CARD14: variants seen among roughly 807,000 people sequenced by gnomAD.
CARD14 encodes the protein caspase recruitment domain-containing protein 14.
In CARD14, 107 loss-of-function variants were observed where a neutral mutation model predicts 111.5. That is an observed-to-expected ratio of 0.96 (90% CI 0.82 to 1.13). The LOEUF (loss-of-function observed/expected upper bound fraction) is 1.13, where lower values mean the gene tolerates loss of function less well. Ranked by LOEUF, CARD14 falls within the 50% of genes most tolerant of loss-of-function variation. The pLI, the probability that CARD14 is intolerant of heterozygous loss-of-function variation, is 0.00. For synonymous variants in CARD14, 617 were observed against 579.6 expected, an observed-to-expected ratio of 1.06 and a Z score of -0.93; for missense variants, 1,322 against 1,362.3, an observed-to-expected ratio of 0.97 and a Z score of 0.47.
rs901529037 is a variant in CARD14, at chr17:80,188,343, C to G, written c.676-34C>G. ...CTCCTGATCAGGGGAGAAGCTGTTT[C>G]CATCGCCCTTCCTGTCGCCTCCCCA... On this transcript the variant is annotated intron_variant, in intron 7 of 23. Transcript: ENST00000648509. This position sits in a 1 kb window ranked among gnomAD's most constrained non-coding sequence, Gnocchi z 4.5. 1 of 1,596,128 alleles carries G rather than the reference C, an allele frequency of 6.3e-7. No individual in the cohort carries two copies.
At chr17:80,174,718 C>T (rs971175719) in intron 2 of CARD14, among the ~76,000 whole-genome samples, 2 of 152,112 alleles carry the variant, frequency 1.3e-5, no homozygotes, top group East Asian at 1.9e-4. Context: ...GAAGGACAGC[C>T]GGGCCTGGGT....
Position 80,188,517 on chromosome 17 carries a change from G to C in CARD14, c.816G>C (p.Glu272Asp). 6.5e-7 allele frequency: 1 copy of C among 1,536,542 alleles called. No homozygotes were observed. Among genetic ancestry groups the C allele is most frequent in the South Asian group, 1.2e-5 (1 of 80,022 alleles). The change falls in exon 8 of 24, where the codon GAG (glutamate) becomes GAC (aspartate). Residue 272 changes from glutamate (E) to aspartate (D), a missense_variant. Coordinates refer to ENST00000648509, the MANE Select transcript of CARD14 (RefSeq NM_001366385.1). This position sits in a 1 kb window ranked among gnomAD's most constrained non-coding sequence, Gnocchi z 4.5. The stretch of plus-strand genomic sequence containing the variant: ...TGAACCGCCTGAAGGAGGAGAATGA[G>C]AAACTGCGCTCGCTGACTTTCAGCC... ...EELNRLKEEN[E>D]KLRSLTFSLA...
rs1342493553 is a variant in CARD14 at position 80,181,557 on chromosome 17, C to T, written c.119C>T (p.Thr40Ile). Residue 40 changes from threonine to isoleucine, a missense_variant, in exon 5 of 24, where the codon ACC becomes ATC. Physicochemically the swap from Thr to Ile is moderately conservative, Grantham distance 89 (BLOSUM62 -1). Coordinates refer to ENST00000648509, the MANE Select transcript of CARD14 (RefSeq NM_001366385.1). ...CGCTGCATCTGCCCCAGCCGCCTCA[C>T]CCCCTACCTGCGCCAGGCCAAGGTG... ...IVRCICPSRL[T>I]PYLRQAKVLC... is the part of the protein sequence containing the mutation. 6.4e-7 allele frequency: 1 copy of T among 1,570,176 alleles called. No homozygotes were observed. The highest frequency in any genetic ancestry group is 1.2e-5 in the South Asian group (1 of 85,302).
In CARD14 at chr17:80,189,864, C is replaced by T. The variant is rs367867373; in HGVS notation, c.955C>T (p.Arg319Ter). ...GCGGGCCGTGGCTGCCGAGAGGCAG[C>T]GAGAGCAGGTGCCGTGTGAGCCCTT... ...RERAVAAERQ[R>*]EQYWEEKEQT... Residue 319 changes from arginine (R) to a stop codon, truncating the protein, a stop_gained, in exon 9 of 24, where the codon CGA (arginine) becomes TGA (stop). Coordinates refer to ENST00000648509, the MANE Select transcript of CARD14 (RefSeq NM_001366385.1). LOFTEE classifies it high-confidence loss of function. This position sits in a 1 kb window ranked among gnomAD's most constrained non-coding sequence, Gnocchi z 4.7. The T allele has an allele frequency of 3.8e-6, 6 of 1,593,476 alleles. No homozygotes were observed. The highest frequency in any genetic ancestry group is 2.7e-5 in the African/African-American group (2 of 72,936).
rs1327508298 is a variant in CARD14 at position 80,182,611 on chromosome 17, G to A, written c.212-42G>A. The A allele has an allele frequency of 6.2e-7, 1 of 1,609,742 alleles. No individual in the cohort carries two copies. Among genetic ancestry groups the A allele is most frequent in the Non-Finnish European group, 8.5e-7 (1 of 1,178,036 alleles). ...GCCAGCCAGGGAGCCCAGCCCCCTT[G>A]GTAGCTGGGTTCTGCCCAGACAGAC... On this transcript the variant is annotated intron_variant, in intron 5 of 23. Transcript: ENST00000648509. This position sits in a 1 kb window ranked among gnomAD's most constrained non-coding sequence, Gnocchi z 4.7.
Position 80,195,308 on chromosome 17 carries a change from T to G in CARD14, c.1474T>G (p.Phe492Val). Residue 492 changes from phenylalanine to valine, a missense_variant, in exon 13 of 24, where the codon TTC (phenylalanine) becomes GTC (valine). Phe to Val is a conservative substitution (Grantham distance 50). Transcript: ENST00000648509. The surrounding 1 kb of genome is among the most constrained non-coding windows in gnomAD (Gnocchi z 4.7). ...QSLYKRVAEDFGEEPWSFSSC... is the reference protein window; with the variant it reads ...QSLYKRVAEDVGEEPWSFSSC... ...CCTGTACAAGCGGGTGGCCGAGGACTTCGGGGAAGAACCCTGGTCTTTCAG... is the reference window on the plus strand; with the variant it reads ...CCTGTACAAGCGGGTGGCCGAGGACGTCGGGGAAGAACCCTGGTCTTTCAG... 6.8e-6 allele frequency: 11 copies of G among 1,612,506 alleles called. No homozygotes were observed. The highest frequency in any genetic ancestry group is 8.5e-6 in the Non-Finnish European group (10 of 1,179,362).
chr17:80,172,102 C>T (rs551136196), intron 1 of CARD14, among the ~76,000 whole-genome samples: 61 of 152,358 alleles, frequency 4.0e-4, no homozygotes, highest in African/African-American at 1.4e-3. Context: ...TACTGGAGAG[C>T]GTGCCAGAGT....
intron 9 of CARD14, among the ~76,000 whole-genome samples, 155 bp downstream of exon 9, chr17:80,190,027 C>T (rs371823157): frequency 3.3e-5 from 5 of 152,048 alleles, no homozygotes; most frequent in African/African-American, 7.2e-5. Flanking sequence ...CCTTTGTCAG[C>T]GCCACCCTAA....
intron 4 of CARD14, among the ~76,000 whole-genome samples, chr17:80,180,662 A>G (rs2040141844): frequency 6.6e-6 from 1 of 151,302 alleles, no homozygotes; most frequent in African/African-American, 2.4e-5. Flanking sequence ...AGAGAAGCCG[A>G]CAGTCTTGCT....
chr17:80,204,183 G>A, intron 19 of CARD14, 44 bp from the exon 20 acceptor site: 1 of 1,532,214 alleles, frequency 6.5e-7, no homozygotes, highest in Non-Finnish European at 8.8e-7. Flanking sequence ...TCCTGTTGAT[G>A]GCTTCAACAG....
intron 18 of CARD14, 108 bp downstream of exon 18, chr17:80,202,528 G>A: frequency 6.6e-7 from 1 of 1,504,048 alleles, no homozygotes; most frequent in Non-Finnish European, 8.9e-7. Context: ...GGTGGGCGTG[G>A]TGAGACCCCC....
intron 20 of CARD14, 138 bp from the exon 21 acceptor site, chr17:80,204,897 C>G (rs763141916): frequency 2.8e-6 from 2 of 719,376 alleles, no homozygotes; most frequent in Non-Finnish European, 4.4e-6. Context: ...GTCCTGTGAC[C>G]GCTGAGCCTG....
chr17:80,205,162 C>T lies in CARD14; in HGVS notation c.2526C>T (p.Ser842=), dbSNP rs755430374. 31 of 1,613,618 alleles carry T rather than the reference C, an allele frequency of 1.9e-5. No individual in the cohort carries two copies. Among genetic ancestry groups the T allele is most frequent in the Middle Eastern group, 1.6e-4 (1 of 6,082 alleles). The change falls in exon 21 of 24, where the codon AGC becomes AGT. Residue 842 remains serine, a synonymous_variant. Coordinates refer to ENST00000648509, the MANE Select transcript of CARD14 (RefSeq NM_001366385.1). ...CCAGGGCGGTTGGGAAGATCCTGAG[C>T]GAGAAACTGTGCCTCCTCCAAGGGT... ...LVPRAVGKIL[S]EKLCLLQGFK...
intron 14 of CARD14, chr17:80,197,011 A>G (rs984082942): frequency 6.6e-6 from 1 of 152,400 alleles, no homozygotes; most frequent in Admixed American, 6.5e-5. Context: ...ATCTTGGCCA[A>G]CATGGTGAAA....
chr17:80,202,718 C>T (rs1329466966), intron 18 of CARD14: 6 of 805,072 alleles, frequency 7.5e-6, no homozygotes, highest in East Asian at 4.3e-5. Flanking sequence ...GTGGTGGGGC[C>T]GTCCTGGGCA....
At chr17:80,186,876 G>A (rs917110657) in intron 7 of CARD14, among the ~76,000 whole-genome samples, 1 of 152,212 alleles carries the variant, frequency 6.6e-6, no homozygotes, top group African/African-American at 2.4e-5. Flanking sequence ...AGAACAAGAT[G>A]TGGGCGTAGG....
Position 80,182,892 on chromosome 17 carries a change from C to A in CARD14, c.349+102C>A. The A allele has an allele frequency of 7.1e-7, 1 of 1,408,280 alleles. No individual in the cohort carries two copies. The highest frequency in any genetic ancestry group is 9.8e-7 in the Non-Finnish European group (1 of 1,015,926). The allele number at this position is 1,408,280 out of a possible 1,614,324, so 87.2% of individuals were successfully genotyped here. A position where few individuals can be genotyped will look rare whatever the true frequency, so the allele number is the denominator to read the frequency against. Reference sequence around the variant, plus strand: ...TACTTGCCGATTTGCCCTACTCCCCCTTCCCTCCAGGCTGCAGTTCCTGTC... The same window carrying A: ...TACTTGCCGATTTGCCCTACTCCCCATTCCCTCCAGGCTGCAGTTCCTGTC... On this transcript the variant is annotated intron_variant, in intron 6 of 23. Transcript: ENST00000648509. This position sits in a 1 kb window ranked among gnomAD's most constrained non-coding sequence, Gnocchi z 4.7.
At chr17:80,204,180 G>T (rs1355740807) in intron 19 of CARD14, 47 bp from the exon 20 acceptor site, 1 of 1,526,582 alleles carries the variant, frequency 6.6e-7, no homozygotes, top group African/African-American at 1.4e-5. Context: ...CATTCCTGTT[G>T]ATGGCTTCAA....
rs1452481112 is a variant in CARD14 at position 80,203,318 on chromosome 17, G to A, written c.2220-504G>A. 1 of 153,904 alleles carries A rather than the reference G, an allele frequency of 6.5e-6. No individual in the cohort carries two copies. Among genetic ancestry groups the A allele is most frequent in the Non-Finnish European group, 1.4e-5 (1 of 69,350 alleles). 9.5% of individuals were successfully genotyped at this position (153,904 alleles called of 1,614,324 possible). A position where few individuals can be genotyped will look rare whatever the true frequency, so the allele number is the denominator to read the frequency against. ...AACCATTGTTCTAGATCAGCCTATG[G>A]GAGGCTCCAAGTTTCAAGTGCACGG... On this transcript the variant is annotated intron_variant, in intron 18 of 23. Transcript: ENST00000648509. This position sits in a 1 kb window ranked among gnomAD's most constrained non-coding sequence, Gnocchi z 4.6.
Sources: allele counts gnomAD v4.1 joint callset (sites outside exome capture counted in the v4.1 genomes callset), GRCh38; gene constraint gnomAD v4.1.1; non-coding constraint Gnocchi (gnomAD v3.1); transcripts MANE v1.5; gene names NCBI Gene and HGNC (gene_info 2026-07-23, HGNC 2026-07-21).